Variants in DHRS2 observed in about 807,000 individuals in gnomAD.
DHRS2 encodes dehydrogenase/reductase SDR family member 2, mitochondrial.
Under a neutral mutation model 26.3 loss-of-function variants are expected in DHRS2, and 29 were observed. The ratio of observed to expected loss-of-function variants is 1.10; its 90% CI spans 0.82 to 1.50. The LOEUF is 1.50. DHRS2 is among the 40% of genes most tolerant of loss of function. The pLI is 0.00. For synonymous variants in DHRS2, 164 were observed against 151.3 expected (o/e 1.08, Z -0.62); for missense variants, 439 against 367.1 (o/e 1.20, Z -1.60).
Position 23,643,834 on chromosome 14 carries a change from C to G in DHRS2, c.489-277C>G, listed in dbSNP as rs1029915964. On this transcript the variant is annotated intron_variant, in intron 5 of 8. Coordinates refer to ENST00000250383, the MANE Select transcript of DHRS2 (RefSeq NM_005794.4). Reference sequence around the variant, plus strand: ...GTGCCTCTTCACAAAGCCCACCCTGCCCTCTCCTTCAAGCACCTGGCAAGA... The same window carrying G: ...GTGCCTCTTCACAAAGCCCACCCTGGCCTCTCCTTCAAGCACCTGGCAAGA... 2.7e-5 allele frequency: 13 copies of G among 487,584 alleles called. No homozygotes were observed. In the South Asian group the frequency reaches 2.8e-4, roughly 11 times the overall value. 30.2% of individuals were successfully genotyped at this position (487,584 alleles called of 1,614,324 possible). A position where few individuals can be genotyped will look rare whatever the true frequency, so the allele number is the denominator to read the frequency against.
At chr14:23,630,476 C>G (rs1890090790) in intron 1 of DHRS2, among the ~76,000 whole-genome samples, 1 of 152,242 alleles carries the variant, frequency 6.6e-6, no homozygotes, top group Admixed American at 6.5e-5. Flanking sequence ...CCACCCAAGT[C>G]AACCCCTTAT....
chr14:23,644,020 T>C, intron 5 of DHRS2, 91 bp from the exon 6 acceptor site: 1 of 1,331,438 alleles, frequency 7.5e-7, no homozygotes, highest in Non-Finnish European at 1.1e-6. Flanking sequence ...GTTGCTTCTG[T>C]GAGGGTTGCA....
At chr14:23,631,701 T>C (rs1196150131), upstream of DHRS2, among the ~76,000 whole-genome samples, 1 of 151,964 alleles carries the variant, frequency 6.6e-6, no homozygotes, top group Non-Finnish European at 1.5e-5. Context: ...TGGAAAGGGG[T>C]ATCAGAGTGG....
chr14:23,640,068 C>T, intron 4 of DHRS2, 173 bp downstream of exon 4: 2 of 700,604 alleles, frequency 2.9e-6, no homozygotes, highest in Non-Finnish European at 4.0e-6. Flanking sequence ...CCGGATGCTA[C>T]TTTCTGGCTT....
In DHRS2 at chr14:23,636,539, G is replaced by A; in HGVS notation, c.-272G>A. 1 of 152,130 alleles carries A rather than the reference G, an allele frequency of 6.6e-6. No homozygotes were observed. The highest frequency in any genetic ancestry group is 1.9e-4 in the East Asian group (1 of 5,196). 9.4% of individuals were successfully genotyped at this position (152,130 alleles called of 1,614,324 possible). A position where few individuals can be genotyped will look rare whatever the true frequency, so the allele number is the denominator to read the frequency against. On this transcript the variant is annotated 5_prime_UTR_variant, in exon 1 of 9. Transcript: ENST00000250383. ...AGCAAGACCACGAATGCACCGAGAG[G>A]AATGAACAACTCTGGACACACCATC...
In DHRS2 at chr14:23,645,559, T is replaced by C; in HGVS notation, c.*306T>C. 2.2e-6 allele frequency: 1 copy of C among 451,818 alleles called. No homozygotes were observed. Among genetic ancestry groups the C allele is most frequent in the Non-Finnish European group, 3.9e-6 (1 of 255,750 alleles). The allele number at this position is 451,818 out of a possible 1,614,324, so 28.0% of individuals were successfully genotyped here. ...GGGAAAGGAGTAGAAGCTCAGGCCTTTGAAGGATTTCAGCTCCTCCTCTCT... is the reference window on the plus strand; with the variant it reads ...GGGAAAGGAGTAGAAGCTCAGGCCTCTGAAGGATTTCAGCTCCTCCTCTCT... On this transcript the variant is annotated 3_prime_UTR_variant, in exon 9 of 9. Transcript: ENST00000250383.
At chr14:23,643,244 C>G (rs780877964) in intron 5 of DHRS2, 25 bp downstream of exon 5, 1 of 1,612,224 alleles carries the variant, frequency 6.2e-7, no homozygotes, top group Admixed American at 1.7e-5. Flanking sequence ...GGGTGGGGAC[C>G]AGTCGGAGTT....
intron 1 of DHRS2, among the ~76,000 whole-genome samples, chr14:23,637,076 G>C (rs1566698388): frequency 6.6e-6 from 1 of 152,150 alleles, no homozygotes; most frequent in Non-Finnish European, 1.5e-5. Context: ...TGACCCTGCG[G>C]CCATGAGCGG....
chr14:23,642,183 A>G (rs1594246996), intron 4 of DHRS2: 2 of 1,020,164 alleles, frequency 2.0e-6, no homozygotes, highest in Non-Finnish European at 2.3e-6. Context: ...TGGCTGCAGG[A>G]AAGCTCAGAG....
Position 23,645,071 on chromosome 14 carries a change from G to A in DHRS2, c.732-71G>A, listed in dbSNP as rs751979250. The A allele has an allele frequency of 3.7e-6, 6 of 1,605,432 alleles. No homozygotes were observed. In the Admixed American group the frequency reaches 5.0e-5, roughly 13 times the overall value. On this transcript the variant is annotated intron_variant, in intron 8 of 8. Coordinates refer to ENST00000250383, the MANE Select transcript of DHRS2 (RefSeq NM_005794.4). ...TTCCCCATGGAGCCCACTCCCACCT[G>A]TCATCCGTGAGCCCCAGAGCAGCAG... is the stretch of plus-strand genomic sequence containing the variant.
In DHRS2 at chr14:23,639,826, G is replaced by A. The variant is rs139817285; in HGVS notation, c.351G>A (p.Leu117=). 40 of 1,610,058 alleles carry A rather than the reference G, an allele frequency of 2.5e-5. No individual in the cohort carries two copies. Among genetic ancestry groups the A allele is most frequent in the Non-Finnish European group, 3.1e-5 (37 of 1,177,980 alleles). ...ALEHCGGVDF[L]VCSAGVNPLV... ...AGCACTGTGGGGGCGTCGACTTCCT[G>A]GTGTGCAGCGCAGGGGTCAACCCTC... Residue 117 remains leucine, a synonymous_variant, in exon 4 of 9, where the codon CTG becomes CTA. Transcript: ENST00000250383.
At chr14:23,641,378 AGCGTGC>A (rs996396272) in intron 4 of DHRS2, 1 of 254,792 alleles carries the variant, frequency 3.9e-6, no homozygotes, top group African/African-American at 2.2e-5. Context: ...CAGCGACTCC[AGCGTGC>A]GCCCTCTTTC....
intron 4 of DHRS2, chr14:23,640,129 A>C: frequency 5.6e-6 from 4 of 716,234 alleles, no homozygotes; most frequent in East Asian, 4.4e-5. Flanking sequence ...TTCTCTTCTC[A>C]TCACTTTTTC....
chr14:23,635,192 A>G (rs1018658661), upstream of DHRS2, among the ~76,000 whole-genome samples: 1 of 151,980 alleles, frequency 6.6e-6, no homozygotes, highest in Non-Finnish European at 1.5e-5. Flanking sequence ...TCTCCCGAGT[A>G]GCTGTGACTA....
rs746029038 is a variant in DHRS2 at position 23,639,179 on chromosome 14, G to T, written c.141G>T (p.Gly47=). The change falls in exon 3 of 9, where the codon GGG becomes GGT. Residue 47 remains glycine (G), a splice_region_variant and synonymous_variant. Coordinates refer to ENST00000250383, the MANE Select transcript of DHRS2 (RefSeq NM_005794.4). ...RVAVVTGSTS[G]IGFAIARRLA... Reference sequence around the variant, plus strand: ...TTTTGCCCTCCATCTCTGCATTCAGGATCGGCTTTGCCATCGCCCGACGTC... The same window carrying T: ...TTTTGCCCTCCATCTCTGCATTCAGTATCGGCTTTGCCATCGCCCGACGTC... 9.9e-6 allele frequency: 16 copies of T among 1,612,978 alleles called. No individual in the cohort carries two copies. The East Asian group carries it at 3.1e-4, about 31-fold the overall frequency.
At position 23,639,267 on chromosome 14, in the gene DHRS2, A is replaced by C; in HGVS notation, c.229A>C (p.Met77Leu). ...SRKQQNVDRA[M>L]AKLQGEGLSV... ...GAAGCAGCAGAACGTGGACCGGGCCATGGCCAAGCTGCAGGGGGAGGGGCT... is the reference window on the plus strand; with the variant it reads ...GAAGCAGCAGAACGTGGACCGGGCCCTGGCCAAGCTGCAGGGGGAGGGGCT... Residue 77 changes from methionine (M) to leucine (L), a missense_variant, in exon 3 of 9, where the codon ATG becomes CTG. By Grantham distance (15) the Met-to-Leu change is conservative. Transcript: ENST00000250383. 6.2e-7 allele frequency: 1 copy of C among 1,612,404 alleles called. No individual in the cohort carries two copies. Among genetic ancestry groups the C allele is most frequent in the South Asian group, 1.1e-5 (1 of 90,766 alleles).
chr14:23,643,244 C>A, intron 5 of DHRS2, 25 bp downstream of exon 5: 1 of 1,612,222 alleles, frequency 6.2e-7, no homozygotes. Flanking sequence ...GGGTGGGGAC[C>A]AGTCGGAGTT....
chr14:23,644,638 A>G (rs1890802630), intron 7 of DHRS2, 95 bp downstream of exon 7: 1 of 1,582,042 alleles, frequency 6.3e-7, no homozygotes, highest in Middle Eastern at 1.7e-4. Context: ...TCCTTAGGTC[A>G]GCATGCCTAT....
Position 23,639,337 on chromosome 14 carries a change from G to A in DHRS2, c.299G>A (p.Arg100Gln), listed in dbSNP as rs750878707. ...IVCHVGKAED[R>Q]EQLVAKALEH... ...TGCCACGTGGGGAAGGCTGAGGACC[G>A]GGAGCAGCTGGTGGCCAAGGTGAGG... is the stretch of plus-strand genomic sequence containing the variant. The change falls in exon 3 of 9, where the codon CGG (arginine) becomes CAG (glutamine). Residue 100 changes from arginine to glutamine, a missense_variant. By Grantham distance (43) the Arg-to-Gln change is conservative. Transcript: ENST00000250383. 7.6e-6 allele frequency: 12 copies of A among 1,571,168 alleles called. No homozygotes were observed. The highest frequency in any genetic ancestry group is 4.5e-5 in the East Asian group (2 of 44,582).
Sources: gnomAD v4.1 joint callset for allele counts (sites outside exome capture counted in the v4.1 genomes callset) on GRCh38, gnomAD v4.1.1 for gene constraint, MANE v1.5 for transcripts, NCBI Gene and HGNC (gene_info 2026-07-23, HGNC 2026-07-21) for gene names.